DGKB: variants seen among roughly 807,000 people sequenced by gnomAD.
The protein encoded by DGKB is diacylglycerol kinase beta.
A neutral mutation model predicts 114.3 loss-of-function variants in DGKB; 67 were observed. That is an observed-to-expected ratio of 0.59 (90% CI 0.48 to 0.72). DGKB has a LOEUF of 0.72. DGKB is among the 30% of genes least tolerant of loss of function. The pLI, the probability that DGKB is intolerant of heterozygous loss-of-function variation, is 0.00. For synonymous variants in DGKB, 398 were observed against 323.1 expected, an observed-to-expected ratio of 1.23 and a Z score of -2.49; for missense variants, 907 against 975.2, an observed-to-expected ratio of 0.93 and a Z score of 0.93.
chr7:14,846,272 C>G (rs1173017394), intron 1 of DGKB, among the ~76,000 whole-genome samples: 1 of 152,100 alleles, frequency 6.6e-6, no homozygotes, highest in Non-Finnish European at 1.5e-5. Flanking sequence ...TCTTTCTCAC[C>G]TTTCTTCTAG....
chr7:14,653,303 C>T (rs1236421445), intron 13 of DGKB, among the ~76,000 whole-genome samples: 1 of 151,878 alleles, frequency 6.6e-6, no homozygotes, highest in Non-Finnish European at 1.5e-5. Flanking sequence ...GGCGCATATA[C>T]ACCATGGAAT....
At chr7:14,761,043 A>C (rs995394504) in intron 2 of DGKB, among the ~76,000 whole-genome samples, 2 of 152,184 alleles carry the variant, frequency 1.3e-5, no homozygotes, top group African/African-American at 4.8e-5. Flanking sequence ...TATTCAGATG[A>C]ATCACTATCA....
chr7:14,841,519 G>A, intron 1 of DGKB, 69 bp from the exon 2 acceptor site: 1 of 350,724 alleles, frequency 2.9e-6, no homozygotes, highest in Non-Finnish European at 5.1e-6. Context: ...AAATGTCAAG[G>A]TGTTGAATGT....
chr7:14,272,890 G>A (rs550759751), intron 23 of DGKB, among the ~76,000 whole-genome samples: 1 of 152,304 alleles, frequency 6.6e-6, no homozygotes, highest in East Asian at 1.9e-4. Context: ...GATATAAAAT[G>A]TGTAGGTTTG....
chr7:14,827,194 T>A (rs188739830), intron 2 of DGKB, among the ~76,000 whole-genome samples: 1 of 152,148 alleles, frequency 6.6e-6, no homozygotes, highest in Admixed American at 6.6e-5. Flanking sequence ...TCTCATATTA[T>A]CATATTATTT....
At chr7:14,799,514 A>C (rs572794500) in intron 2 of DGKB, among the ~76,000 whole-genome samples, 4 of 152,366 alleles carry the variant, frequency 2.6e-5, no homozygotes, top group Non-Finnish European at 5.9e-5. Context: ...ATTCAAGATC[A>C]TTCTGTCTCA....
At chr7:14,756,087 T>A (rs1834826880) in intron 3 of DGKB, among the ~76,000 whole-genome samples, 1 of 152,006 alleles carries the variant, frequency 6.6e-6, no homozygotes, top group African/African-American at 2.4e-5. Flanking sequence ...GAGAGTCCTA[T>A]AAATAAAAAA....
At chr7:14,167,210 CA>C (rs34278386) in intron 25 of DGKB, among the ~76,000 whole-genome samples, 4 of 99,390 alleles carry the variant, frequency 4.0e-5, no homozygotes, top group Non-Finnish European at 5.7e-5. Flanking sequence ...GACTCCATCT[CA>C]AAAAAAAAAA....
chr7:14,259,405 CTCTATATA>C (rs746366266), intron 23 of DGKB, among the ~76,000 whole-genome samples: 186 of 94,998 alleles, frequency 2.0e-3, no homozygotes, highest in South Asian at 9.3e-3. Context: ...CTCTCTCTCT[CTCTATATA>C]TATATATATA....
chr7:14,515,868 A>G (rs931415968), intron 20 of DGKB, among the ~76,000 whole-genome samples: 3 of 152,118 alleles, frequency 2.0e-5, no homozygotes, highest in African/African-American at 4.8e-5. Flanking sequence ...TTTTGAGAGA[A>G]AGGTCTTGCT....
rs1835000238 is a variant in DGKB, at chr7:14,757,191, G to A, written c.147+464C>T. Among the ~76,000 whole-genome samples, 3 of 151,862 alleles carry A rather than the reference G, an allele frequency of 2.0e-5. No individual in the cohort carries two copies. In the South Asian group the frequency reaches 6.2e-4, roughly 31 times the overall value. On this transcript the variant is annotated intron_variant, in intron 3 of 25. Coordinates refer to ENST00000402815, the MANE Select transcript of DGKB (RefSeq NM_001350709.2). ...GTCAAGGAAATAATTGCCTGAAAGG[G>A]GTAACTCCCTACCCCTACACCAATA...
chr7:14,520,210 A>T (rs192091913), intron 20 of DGKB, among the ~76,000 whole-genome samples: 1,257 of 118,760 alleles, frequency 0.011, 5 homozygotes, highest in Middle Eastern at 0.018. Context: ...CTTTTTTCCT[A>T]TTTTTTTTTT....
chr7:14,882,185 T>A (rs1854331765), intron 1 of DGKB, among the ~76,000 whole-genome samples: 1 of 151,922 alleles, frequency 6.6e-6, no homozygotes, highest in Non-Finnish European at 1.5e-5. Context: ...AATATGGATA[T>A]ATTTGGGAGT....
chr7:14,446,420 C>A (rs1407875566), intron 21 of DGKB, among the ~76,000 whole-genome samples: 1 of 152,066 alleles, frequency 6.6e-6, no homozygotes, highest in Non-Finnish European at 1.5e-5. Flanking sequence ...TACAATAGGG[C>A]AAAGAGCAGT....
intron 1 of DGKB, among the ~76,000 whole-genome samples, chr7:14,963,650 G>T (rs1013117793): frequency 2.0e-5 from 3 of 152,164 alleles, no homozygotes; most frequent in African/African-American, 7.2e-5. Flanking sequence ...AGAGACAATG[G>T]TTGGACAATT....
chr7:14,780,746 G>A (rs1838963711), intron 2 of DGKB, among the ~76,000 whole-genome samples: 1 of 151,980 alleles, frequency 6.6e-6, no homozygotes, highest in South Asian at 2.1e-4. Flanking sequence ...ATAGATCCAG[G>A]GTTTTATATT....
At chr7:14,817,899 T>C (rs1375461514) in intron 2 of DGKB, among the ~76,000 whole-genome samples, 1 of 151,516 alleles carries the variant, frequency 6.6e-6, no homozygotes, top group African/African-American at 2.4e-5. Flanking sequence ...ACACAAATTA[T>C]GGCATGATGC....
chr7:14,887,203 A>G (rs1448616400), intron 1 of DGKB, among the ~76,000 whole-genome samples: 1 of 151,664 alleles, frequency 6.6e-6, no homozygotes, highest in Admixed American at 6.6e-5. Context: ...CCACCACACC[A>G]CTGAAATTCC....
At chr7:14,262,945 A>C (rs1277935386) in intron 23 of DGKB, among the ~76,000 whole-genome samples, 1 of 151,958 alleles carries the variant, frequency 6.6e-6, no homozygotes, top group Non-Finnish European at 1.5e-5. Flanking sequence ...CAATTCTCCC[A>C]TTACACATCA....
Sources: allele counts gnomAD v4.1 joint callset (sites outside exome capture counted in the v4.1 genomes callset), GRCh38; gene constraint gnomAD v4.1.1; transcripts MANE v1.5; gene names NCBI Gene and HGNC (gene_info 2026-07-23, HGNC 2026-07-21).